Variants in HAT1 observed in about 807,000 individuals in gnomAD.
HAT1 encodes the protein histone acetyltransferase type B catalytic subunit.
Under a neutral mutation model 56.6 loss-of-function variants are expected in HAT1, and 20 were observed. That is an observed-to-expected ratio of 0.35 (90% confidence interval 0.25 to 0.51). The LOEUF (loss-of-function observed/expected upper bound fraction) is 0.51. HAT1 is among the 20% of genes least tolerant of loss of function. The probability of loss-of-function intolerance (pLI) is 0.95; values close to 1 mark genes in which losing one functional copy is unlikely to be tolerated. For synonymous variants in HAT1, 146 were observed against 165.5 expected, an observed-to-expected ratio of 0.88 and a Z score of 0.91; for missense variants, 408 against 504.3, an observed-to-expected ratio of 0.81 and a Z score of 1.83.
chr2:171,951,974 A>G (rs184684141), intron 3 of HAT1, among the ~76,000 whole-genome samples: 4 of 152,288 alleles, frequency 2.6e-5, no homozygotes, highest in Admixed American at 6.5e-5. Flanking sequence ...CGTAGCCTAG[A>G]CAGAAATTTG....
chr2:171,946,684 CTA>C, intron 2 of HAT1, 22 bp from the exon 3 acceptor site: 2 of 1,371,346 alleles, frequency 1.5e-6, no homozygotes, highest in African/African-American at 2.9e-5. Context: ...TTTAATATCT[CTA>C]TTTTTTTGTC....
intron 1 of HAT1, among the ~76,000 whole-genome samples, chr2:171,925,215 G>A (rs1338742370): frequency 1.3e-5 from 2 of 151,926 alleles, no homozygotes; most frequent in Non-Finnish European, 2.9e-5. Context: ...TGGGATTACA[G>A]GCGCCCGTCA....
chr2:171,922,575 T>C, intron 1 of HAT1, 68 bp downstream of exon 1: 5 of 1,223,210 alleles, frequency 4.1e-6, no homozygotes, highest in Non-Finnish European at 5.3e-6. Context: ...GCCGAGACGG[T>C]GGTGACAATG....
Position 171,953,009 on chromosome 2 carries a change from C to CAG in HAT1, c.309+10_309+11dup. The CAG allele has an allele frequency of 1.9e-6, 3 of 1,548,192 alleles. No homozygotes were observed. The highest frequency in any genetic ancestry group is 2.6e-6 in the Non-Finnish European group (3 of 1,141,794). On this transcript the variant is annotated intron_variant, in intron 4 of 10. Transcript: ENST00000264108. ...AACTTTGACTGTGTAGAGGTAAGAA[C>CAG]AGAAATACTTTTTAAACTGTTTTCC...
chr2:171,973,361 A>T (rs1365892743), intron 8 of HAT1, among the ~76,000 whole-genome samples: 1 of 141,418 alleles, frequency 7.1e-6, no homozygotes, highest in Non-Finnish European at 1.5e-5. Flanking sequence ...TGTCCCTTGT[A>T]TTTCCATAAA....
chr2:171,962,735 G>A (rs939946717), intron 4 of HAT1, among the ~76,000 whole-genome samples: 3 of 152,116 alleles, frequency 2.0e-5, no homozygotes, highest in African/African-American at 7.2e-5. Context: ...TAGTTCCCTG[G>A]TGTGTCTAGT....
At chr2:171,968,208 T>C (rs914279599) in intron 8 of HAT1, among the ~76,000 whole-genome samples, 2 of 152,172 alleles carry the variant, frequency 1.3e-5, no homozygotes, top group Non-Finnish European at 2.9e-5. Flanking sequence ...ATAAATTGTT[T>C]AAGCGACAAC....
intron 9 of HAT1, 82 bp from the exon 10 acceptor site, chr2:171,979,165 T>C (rs764766725): frequency 4.2e-6 from 3 of 719,620 alleles, no homozygotes; most frequent in Non-Finnish European, 7.3e-6. Flanking sequence ...ATGGCAGATA[T>C]TAAATATATC....
rs1404633115 is a variant in HAT1, at chr2:171,976,284, A to C, written c.951A>C (p.Ala317=). 6.4e-7 allele frequency: 1 copy of C among 1,573,982 alleles called. No homozygotes were observed. The highest frequency in any genetic ancestry group is 1.4e-5 in the African/African-American group (1 of 73,900). ...QGFNEDMVIE[A]QQKFKINKQH... is the part of the protein sequence containing the mutation. ...TCAATGAAGATATGGTGATAGAGGC[A>C]CAACAGAAGTTCAAAATAAATAAGG... The change falls in exon 9 of 11, where the codon GCA becomes GCC. Residue 317 remains alanine (A), a synonymous_variant. Transcript: ENST00000264108.
At chr2:171,967,535 C>G (rs62183760) in intron 8 of HAT1, among the ~76,000 whole-genome samples, 32,455 of 151,816 alleles carry the variant, frequency 0.21, 4,459 homozygotes, top group Middle Eastern at 0.34. Flanking sequence ...ACGACTTACT[C>G]GACTTACTCG....
intron 2 of HAT1, among the ~76,000 whole-genome samples, chr2:171,943,122 G>A (rs1299303717): frequency 2.0e-5 from 3 of 150,748 alleles, no homozygotes; most frequent in African/African-American, 4.9e-5. Context: ...TACAGTGCTG[G>A]CTGGGCACGG....
intron 8 of HAT1, among the ~76,000 whole-genome samples, chr2:171,972,358 G>A (rs1213935821): frequency 2.6e-5 from 4 of 151,706 alleles, no homozygotes; most frequent in Non-Finnish European, 5.9e-5. Context: ...AACTCCTGGG[G>A]TTAAGCAAAA....
chr2:171,982,368 ATTC>A (rs1168267387), intron 10 of HAT1, among the ~76,000 whole-genome samples: 1 of 152,160 alleles, frequency 6.6e-6, no homozygotes, highest in Non-Finnish European at 1.5e-5. Context: ...TCCTGGAGTT[ATTC>A]TTCATTCTTC....
intron 3 of HAT1, among the ~76,000 whole-genome samples, chr2:171,951,928 T>A (rs1687318721): frequency 6.6e-6 from 1 of 152,134 alleles, no homozygotes. Context: ...TCACATAACT[T>A]TCAGAGTTGC....
intron 2 of HAT1, among the ~76,000 whole-genome samples, chr2:171,933,747 G>A (rs773128331): frequency 6.6e-6 from 1 of 152,090 alleles, no homozygotes; most frequent in Admixed American, 6.6e-5. Flanking sequence ...AATTAGTTCT[G>A]TCAAGGTCAG....
rs1687219209 is a variant in HAT1 at position 171,948,211 on chromosome 2, A to G, written c.188+1428A>G. On this transcript the variant is annotated intron_variant, in intron 3 of 10. Coordinates refer to ENST00000264108, the MANE Select transcript of HAT1 (RefSeq NM_003642.4). ...CTAAAAATAAGATTAATAACCATGG[A>G]AGAGTTGTAAAAATTCAGGAAATTT... Among the ~76,000 whole-genome samples the G allele has an allele frequency of 2.0e-5, 3 of 152,078 alleles. No individual in the cohort carries two copies. The South Asian group carries it at 6.2e-4, about 32-fold the overall frequency.
intron 7 of HAT1, 148 bp from the exon 8 acceptor site, chr2:171,966,695 A>C (rs1292346034): frequency 4.8e-6 from 3 of 624,532 alleles, no homozygotes; most frequent in African/African-American, 1.8e-5. Context: ...ACTAATTTTG[A>C]GTATCTTGAT....
chr2:171,953,447 G>A (rs568130365), intron 4 of HAT1, among the ~76,000 whole-genome samples: 8 of 151,872 alleles, frequency 5.3e-5, no homozygotes, highest in African/African-American at 1.9e-4. Context: ...TTTGGAGGCT[G>A]AAGTGGGAGG....
intron 4 of HAT1, among the ~76,000 whole-genome samples, chr2:171,963,400 T>G (rs1207982822): frequency 1.3e-5 from 2 of 152,166 alleles, no homozygotes. Context: ...TCAAACCTTC[T>G]GGTTGCTCTG....
Sources: gnomAD v4.1 joint callset for allele counts (sites outside exome capture counted in the v4.1 genomes callset) on GRCh38, gnomAD v4.1.1 for gene constraint, MANE v1.5 for transcripts, NCBI Gene and HGNC (gene_info 2026-07-23, HGNC 2026-07-21) for gene names.